Variants in CRADD observed in about 807,000 individuals in gnomAD.
CRADD encodes the protein CARD and death domain containing adaptor protein, also known as death domain-containing protein CRADD.
A neutral mutation model predicts 15.5 loss-of-function variants in CRADD; 9 were observed. The ratio of observed to expected loss-of-function variants is 0.58; its 90% CI spans 0.35 to 1.01. The LOEUF is 1.01. Among genes scored for constraint, CRADD ranks in the 50% least tolerant of loss-of-function variants. CRADD has a pLI of 0.02. For synonymous variants in CRADD, 118 were observed against 107.6 expected (o/e 1.10, Z -0.60); for missense variants, 227 against 250.3 (o/e 0.91, Z 0.63).
At chr12:93,852,359 A>G (rs536059560), downstream of CRADD, among the ~76,000 whole-genome samples, 5 of 152,350 alleles carry the variant, frequency 3.3e-5, no homozygotes, top group Admixed American at 3.3e-4. Context: ...TTTGCAAGGA[A>G]TCTGTCACGC....
intron 2 of CRADD, among the ~76,000 whole-genome samples, chr12:93,729,751 C>T (rs1956431524): frequency 6.8e-6 from 1 of 147,606 alleles, no homozygotes; most frequent in Non-Finnish European, 1.5e-5. Context: ...CGCCAGTGCA[C>T]TTCAGCCTGG....
intron 2 of CRADD, among the ~76,000 whole-genome samples, chr12:93,866,991 G>C (rs1304353909): frequency 6.6e-6 from 1 of 152,078 alleles, no homozygotes. Context: ...GGGAAAGAGG[G>C]GTTAATTTTC....
chr12:93,730,981 G>A (rs567301120), intron 2 of CRADD, among the ~76,000 whole-genome samples: 3 of 152,264 alleles, frequency 2.0e-5, no homozygotes, highest in Admixed American at 2.0e-4. Flanking sequence ...GCCTCCCAAA[G>A]TGCTGGGATT....
chr12:93,747,805 G>T (rs193204317), intron 2 of CRADD, among the ~76,000 whole-genome samples: 2 of 152,110 alleles, frequency 1.3e-5, no homozygotes, highest in East Asian at 3.9e-4. Flanking sequence ...CAAGGAGCAT[G>T]GCAGTGGTGT....
At chr12:93,798,597 A>G (rs1030261263) in intron 2 of CRADD, among the ~76,000 whole-genome samples, 4 of 152,192 alleles carry the variant, frequency 2.6e-5, no homozygotes, top group South Asian at 2.1e-4. Flanking sequence ...TCTGAACTCA[A>G]ATAGGCTCCA....
intron 2 of CRADD, among the ~76,000 whole-genome samples, chr12:93,768,133 C>T (rs540515639): frequency 2.0e-4 from 31 of 152,128 alleles, no homozygotes; most frequent in African/African-American, 6.0e-4. Context: ...TTAGATATTA[C>T]GTAAACCAAT....
intron 2 of CRADD, among the ~76,000 whole-genome samples, chr12:93,863,904 T>G (rs1958340662): frequency 6.6e-6 from 1 of 152,156 alleles, no homozygotes; most frequent in Non-Finnish European, 1.5e-5. Context: ...CAAACAGCAG[T>G]ATACTAGAAA....
At chr12:93,840,763 C>G (rs2137039862) in intron 2 of CRADD, among the ~76,000 whole-genome samples, 1 of 152,078 alleles carries the variant, frequency 6.6e-6, no homozygotes, top group Non-Finnish European at 1.5e-5. Context: ...ACGGGGGTTT[C>G]TCCATGTTGG....
intron 2 of CRADD, among the ~76,000 whole-genome samples, chr12:93,829,084 TA>T (rs1416158327): frequency 6.6e-6 from 1 of 151,624 alleles, no homozygotes; most frequent in Admixed American, 6.6e-5. Flanking sequence ...CAAGGAAAAA[TA>T]AAATGTTCTA....
chr12:93,708,140 C>G (rs1236260120), intron 2 of CRADD: 1 of 152,176 alleles, frequency 6.6e-6, no homozygotes, highest in Non-Finnish European at 1.5e-5. Flanking sequence ...TGTTAGGTGC[C>G]AGGCCCTGGG....
intron 2 of CRADD, among the ~76,000 whole-genome samples, chr12:93,884,554 T>C (rs937786406): frequency 5.9e-4 from 90 of 152,110 alleles, no homozygotes; most frequent in African/African-American, 2.0e-3. Flanking sequence ...GTTCACGGAA[T>C]TTGCAGCGAG....
chr12:93,686,302 C>CAAAAAAAAAAA (rs1565870778), intron 2 of CRADD, among the ~76,000 whole-genome samples: 1 of 72,500 alleles, frequency 1.4e-5, no homozygotes, highest in Non-Finnish European at 3.0e-5. Flanking sequence ...CTCCATCCCC[C>CAAAAAAAAAAA]CCAAAAAAAA....
chr12:93,850,807 T>A (rs1466527180), downstream of CRADD: 1 of 840,586 alleles, frequency 1.2e-6, no homozygotes, highest in African/African-American at 1.8e-5. The surrounding 1 kb of genome is among the most constrained non-coding windows in gnomAD (Gnocchi z 4.0). Context: ...TTGCATAGAT[T>A]AAGGGTGTAA....
At chr12:93,766,793 G>T (rs189225924) in intron 2 of CRADD, among the ~76,000 whole-genome samples, 1 of 152,220 alleles carries the variant, frequency 6.6e-6, no homozygotes, top group Non-Finnish European at 1.5e-5. Flanking sequence ...TATTTGGAAT[G>T]TAAGCTCCTT....
At chr12:93,755,432 T>A (rs767877143) in intron 2 of CRADD, among the ~76,000 whole-genome samples, 2 of 152,212 alleles carry the variant, frequency 1.3e-5, no homozygotes, top group Non-Finnish European at 2.9e-5. Context: ...TCATATGCCC[T>A]ACATGACAGT....
chr12:93,694,259 A>G (rs960713590), intron 2 of CRADD, among the ~76,000 whole-genome samples: 4 of 152,180 alleles, frequency 2.6e-5, no homozygotes, highest in Admixed American at 1.3e-4. Flanking sequence ...GCTTTCGACA[A>G]ATGTCAACAT....
At chr12:93,770,096 C>CTTTTTTTTTT (rs34791279) in intron 2 of CRADD, among the ~76,000 whole-genome samples, 1 of 129,990 alleles carries the variant, frequency 7.7e-6, no homozygotes. Flanking sequence ...CCTATGTTAT[C>CTTTTTTTTTT]TTTTTTTTTT....
intron 2 of CRADD, chr12:93,738,643 G>T: frequency 1.9e-6 from 1 of 536,466 alleles, no homozygotes; most frequent in Non-Finnish European, 3.3e-6. Flanking sequence ...GTAACCTTTG[G>T]TTATTCTTTT....
chr12:93,721,413 G>A (rs11107166), intron 2 of CRADD, among the ~76,000 whole-genome samples: 2,563 of 151,640 alleles, frequency 0.017, 81 homozygotes, highest in African/African-American at 0.058. Context: ...TCACTTATAC[G>A]TTAGTGTATA....
Sources: gnomAD v4.1 joint callset for allele counts (sites outside exome capture counted in the v4.1 genomes callset) on GRCh38, gnomAD v4.1.1 for gene constraint, Gnocchi (gnomAD v3.1) non-coding constraint, MANE v1.5 for transcripts, NCBI Gene and HGNC (gene_info 2026-07-23, HGNC 2026-07-21) for gene names.